ASB4: variants seen among roughly 807,000 people sequenced by gnomAD.
ASB4 encodes ankyrin repeat and SOCS box containing 4, also known as ankyrin repeat and SOCS box protein 4.
Under a neutral mutation model 38.6 loss-of-function variants are expected in ASB4, and 35 were observed. That is an observed-to-expected ratio of 0.91 (90% confidence interval 0.69 to 1.20). The LOEUF is 1.20. Among genes scored for constraint, ASB4 ranks in the 50% most tolerant of loss-of-function variants. ASB4 has a pLI of 0.00. For synonymous variants in ASB4, 195 were observed against 201.3 expected (o/e 0.97, Z 0.26); for missense variants, 557 against 527.2 (o/e 1.06, Z -0.55).
chr7:95,493,892 G>A lies in ASB4; in HGVS notation c.188-1866G>A, dbSNP rs116605406. 6.2e-3 allele frequency among the ~76,000 whole-genome samples: 950 copies of A among 152,086 alleles called. 11 individuals are homozygous for A. Among genetic ancestry groups the A allele is most frequent in the African/African-American group, 0.022 (911 of 41,486 alleles). On this transcript the variant is annotated intron_variant, in intron 1 of 4. Transcript: ENST00000325885. ...AATGGTTGTATAGTATTTGATTGACGGATGTATCATAATTTATTTAAGCAA... is the reference window on the plus strand; with the variant it reads ...AATGGTTGTATAGTATTTGATTGACAGATGTATCATAATTTATTTAAGCAA...
intron 2 of ASB4, among the ~76,000 whole-genome samples, chr7:95,506,054 G>A (rs906747314): frequency 6.6e-6 from 1 of 151,830 alleles, no homozygotes; most frequent in African/African-American, 2.4e-5. Context: ...GGCCGTGCCT[G>A]GCTAATTTTT....
chr7:95,502,453 T>G (rs1216838730), intron 2 of ASB4, among the ~76,000 whole-genome samples: 12 of 151,744 alleles, frequency 7.9e-5, no homozygotes, highest in Admixed American at 7.2e-4. Flanking sequence ...ACTTAGAAAA[T>G]TCGCCTCTAG....
intron 1 of ASB4, among the ~76,000 whole-genome samples, chr7:95,493,383 T>C (rs1374418580): frequency 9.8e-6 from 1 of 101,692 alleles, no homozygotes; most frequent in African/African-American, 3.5e-5. Context: ...TGTGTGTGTG[T>C]GTGTGTGTAT....
At chr7:95,498,827 G>T (rs979486992) in intron 2 of ASB4, among the ~76,000 whole-genome samples, 8 of 151,930 alleles carry the variant, frequency 5.3e-5, no homozygotes, top group African/African-American at 1.9e-4. Flanking sequence ...TTTTTATATG[G>T]TATAAGTTAT....
At chr7:95,547,058 T>C in the ASB4 span, among the ~76,000 whole-genome samples, 1 of 152,198 alleles carries the variant, frequency 6.6e-6, no homozygotes, top group Non-Finnish European at 1.5e-5. Context: ...ATGTTGTAAA[T>C]GCCTGTCTGC....
chr7:95,534,984 A>G (rs1790868522), intron 3 of ASB4, among the ~76,000 whole-genome samples: 2 of 152,152 alleles, frequency 1.3e-5, no homozygotes, highest in Admixed American at 6.5e-5. Context: ...ACCAGCTCTG[A>G]CCTTTAGCCC....
chr7:95,491,984 T>G (rs1790177868), intron 1 of ASB4, among the ~76,000 whole-genome samples: 1 of 152,178 alleles, frequency 6.6e-6, no homozygotes, highest in African/African-American at 2.4e-5. Context: ...CCAGATACAC[T>G]TCAGTATACC....
rs1391899556 is a variant in ASB4 at position 95,537,718 on chromosome 7, A to C, written c.1240A>C (p.Lys414Gln). ...TTTGCTTTCCCTCCCATTGTCATTG[A>C]AAAAGTACTTGCTTTTAGAGCCAGA... ...IPLLSLPLSL[K>Q]KYLLLEPEGI... The change falls in exon 5 of 5, where the codon AAA becomes CAA. Residue 414 changes from lysine to glutamine, a missense_variant. By Grantham distance (53) the Lys-to-Gln change is moderately conservative (BLOSUM62 1). Transcript: ENST00000325885. 6.2e-7 allele frequency: 1 copy of C among 1,613,900 alleles called. No individual in the cohort carries two copies. Among genetic ancestry groups the C allele is most frequent in the Non-Finnish European group, 8.5e-7 (1 of 1,179,836 alleles).
At chr7:95,502,890 A>G (rs1389128206) in intron 2 of ASB4, among the ~76,000 whole-genome samples, 1 of 152,140 alleles carries the variant, frequency 6.6e-6, no homozygotes, top group Non-Finnish European at 1.5e-5. Context: ...AGTCATTTAT[A>G]TTACTGAAAA....
chr7:95,527,774 CAT>C (rs1231899613), intron 2 of ASB4, 37 bp from the exon 3 acceptor site: 1 of 1,539,710 alleles, frequency 6.5e-7, no homozygotes, highest in East Asian at 2.3e-5. Flanking sequence ...AATGACAAAA[CAT>C]GTTTAAATAA....
At chr7:95,494,820 A>AAG (rs545117617) in intron 1 of ASB4, among the ~76,000 whole-genome samples, 1 of 151,432 alleles carries the variant, frequency 6.6e-6, no homozygotes, top group African/African-American at 2.4e-5. Context: ...AGTGGGAGAA[A>AAG]AGAGAGAGAG....
Position 95,537,765 on chromosome 7 carries a change from A to T in ASB4, c.*6A>T, listed in dbSNP as rs1253506599. On this transcript the variant is annotated 3_prime_UTR_variant, in exon 5 of 5. Transcript: ENST00000325885. Reference sequence around the variant, plus strand: ...CAGAGGGAATTATTTATTAAGCCTTATGAGACAGCAGTTCCCAATCCTAGG... The same window carrying T: ...CAGAGGGAATTATTTATTAAGCCTTTTGAGACAGCAGTTCCCAATCCTAGG... 16 of 1,611,048 alleles carry T rather than the reference A, an allele frequency of 9.9e-6. No homozygotes were observed. The highest frequency in any genetic ancestry group is 1.4e-5 in the Non-Finnish European group (16 of 1,178,032).
At position 95,496,145 on chromosome 7, in the gene ASB4, T is replaced by C. The variant is rs2099282997; in HGVS notation, c.487+88T>C. Reference sequence around the variant, plus strand: ...TGACCCCTACCTACCCCAGATGATGTAGTAAGCATAAAGATGCAATTATGC... The same window carrying C: ...TGACCCCTACCTACCCCAGATGATGCAGTAAGCATAAAGATGCAATTATGC... On this transcript the variant is annotated intron_variant, in intron 2 of 4. Coordinates refer to ENST00000325885, the MANE Select transcript of ASB4 (RefSeq NM_016116.3). 3.9e-6 allele frequency: 5 copies of C among 1,282,554 alleles called. No homozygotes were observed. The Admixed American group carries it at 5.8e-5, about 15-fold the overall frequency. The allele number at this position is 1,282,554 out of a possible 1,614,324, so 79.4% of individuals were successfully genotyped here. A position where few individuals can be genotyped will look rare whatever the true frequency, so the allele number is the denominator to read the frequency against.
the ASB4 span, chr7:95,472,017 G>C: frequency 6.6e-6 from 1 of 152,076 alleles, no homozygotes; most frequent in Admixed American, 6.6e-5. Context: ...AAAACATAAG[G>C]ATCAGAGGAG....
At chr7:95,521,615 C>T (rs1009363988) in intron 2 of ASB4, among the ~76,000 whole-genome samples, 2 of 151,466 alleles carry the variant, frequency 1.3e-5, no homozygotes, top group African/African-American at 4.9e-5. Flanking sequence ...GCTAAAACAA[C>T]TTTACCATCC....
At chr7:95,536,343 C>A in intron 3 of ASB4, 94 bp from the exon 4 acceptor site, 1 of 730,962 alleles carries the variant, frequency 1.4e-6, no homozygotes, top group Non-Finnish European at 2.3e-6. Context: ...TGCTACCATG[C>A]CCACTGGTCT....
At chr7:95,477,433 A>T (rs1431397985), upstream of ASB4, among the ~76,000 whole-genome samples, 4 of 152,218 alleles carry the variant, frequency 2.6e-5, no homozygotes, top group African/African-American at 9.6e-5. Flanking sequence ...TCATTTTATA[A>T]ATTTGTCAAG....
intron 2 of ASB4, among the ~76,000 whole-genome samples, chr7:95,496,924 G>A (rs912184762): frequency 6.6e-6 from 1 of 152,120 alleles, no homozygotes; most frequent in African/African-American, 2.4e-5. Flanking sequence ...ACGCCGAGAG[G>A]AAGAGGGGTC....
intron 2 of ASB4, among the ~76,000 whole-genome samples, chr7:95,509,070 G>C (rs1027306057): frequency 1.1e-4 from 16 of 152,028 alleles, no homozygotes; most frequent in African/African-American, 3.4e-4. Flanking sequence ...AGATTGGGTG[G>C]GTCATTCATG....
Sources: allele counts gnomAD v4.1 joint callset (sites outside exome capture counted in the v4.1 genomes callset), GRCh38; gene constraint gnomAD v4.1.1; transcripts MANE v1.5; gene names NCBI Gene and HGNC (gene_info 2026-07-23, HGNC 2026-07-21).